DOCK1: variants seen among roughly 807,000 people sequenced by gnomAD.
DOCK1 encodes dedicator of cytokinesis protein 1.
Under a neutral mutation model 262.7 loss-of-function variants are expected in DOCK1, and 138 were observed. That is an observed-to-expected ratio of 0.53 (90% confidence interval 0.46 to 0.61). DOCK1 has a LOEUF of 0.61. Among genes scored for constraint, DOCK1 ranks in the 20% least tolerant of loss-of-function variants. The pLI, the probability that DOCK1 is intolerant of heterozygous loss-of-function variation, is 0.00. For synonymous variants in DOCK1, 866 were observed against 867.4 expected (o/e 1.00, Z 0.03); for missense variants, 1,908 against 2,370.7 (o/e 0.80, Z 4.05).
intron 38 of DOCK1, among the ~76,000 whole-genome samples, chr10:127,394,373 G>A (rs935915875): frequency 1.7e-5 from 2 of 120,198 alleles, no homozygotes; most frequent in Non-Finnish European, 3.6e-5. Context: ...AAAAAAAAGC[G>A]TTTTACATCA....
chr10:127,218,253 TATCTAAACAGA>T (rs1338560009), intron 27 of DOCK1, among the ~76,000 whole-genome samples: 2 of 152,246 alleles, frequency 1.3e-5, no homozygotes, highest in African/African-American at 4.8e-5. Flanking sequence ...ATTGTTGTTT[TATCTAAACAGA>T]ATCTGCTCAT....
chr10:127,305,962 C>T (rs1048993745), intron 29 of DOCK1, among the ~76,000 whole-genome samples: 43 of 151,090 alleles, frequency 2.8e-4, no homozygotes, highest in Admixed American at 3.3e-4. Flanking sequence ...TTATTAGAGG[C>T]TGAGGGTTTT....
chr10:127,386,761 A>G (rs1043008377), intron 38 of DOCK1, among the ~76,000 whole-genome samples: 1 of 152,146 alleles, frequency 6.6e-6, no homozygotes, highest in Admixed American at 6.5e-5. Flanking sequence ...ATCATCCTGA[A>G]ACCATCCCCC....
intron 29 of DOCK1, among the ~76,000 whole-genome samples, chr10:127,314,931 G>C (rs1463809274): frequency 1.3e-5 from 2 of 152,176 alleles, no homozygotes; most frequent in Non-Finnish European, 2.9e-5. Context: ...CACTCACATG[G>C]GCAGACAGAT....
Position 127,354,644 on chromosome 10 carries a change from C to T in DOCK1, c.3225-25C>T, listed in dbSNP as rs149045786. ...TCAAATGCCTTCCGGAGTGATTCAG[C>T]GTTTTTCTTTTCCCTGATTTCCAGG... On this transcript the variant is annotated intron_variant, in intron 31 of 51. Transcript: ENST00000623213. The T allele has an allele frequency of 9.7e-5, 157 of 1,613,402 alleles. No homozygotes were observed. In the African/African-American group the frequency reaches 1.5e-3, roughly 15 times the overall value.
chr10:127,383,445 A>G (rs1053053058), intron 37 of DOCK1, among the ~76,000 whole-genome samples: 4 of 152,236 alleles, frequency 2.6e-5, no homozygotes, highest in Non-Finnish European at 5.9e-5. Context: ...ATGTTGTACA[A>G]ACTTCAAAGT....
intron 22 of DOCK1, 56 bp from the exon 23 acceptor site, chr10:127,061,612 C>A (rs546948011): frequency 2.1e-6 from 3 of 1,455,728 alleles, no homozygotes; most frequent in African/African-American, 2.8e-5. Flanking sequence ...GACATGGATT[C>A]AAAAAATGTT....
chr10:127,403,799 GGATA>G (rs2067360903), intron 39 of DOCK1, among the ~76,000 whole-genome samples: 1 of 152,160 alleles, frequency 6.6e-6, no homozygotes, highest in African/African-American at 2.4e-5. Flanking sequence ...AGAGAGGGAT[GGATA>G]GATAATGACC....
At chr10:127,195,986 G>T (rs2057110396) in intron 27 of DOCK1, 2 of 152,202 alleles carry the variant, frequency 1.3e-5, no homozygotes, top group African/African-American at 4.8e-5. Flanking sequence ...GGCACGCGGG[G>T]CTCCGCTTAC....
chr10:127,235,292 A>G (rs2059007415), intron 27 of DOCK1, among the ~76,000 whole-genome samples: 1 of 152,040 alleles, frequency 6.6e-6, no homozygotes, highest in African/African-American at 2.4e-5. Context: ...ATTTCCGTAA[A>G]AATATTTCTC....
intron 29 of DOCK1, among the ~76,000 whole-genome samples, chr10:127,301,192 C>T (rs987127323): frequency 4.6e-5 from 7 of 152,106 alleles, no homozygotes; most frequent in Admixed American, 1.3e-4. Flanking sequence ...GTTTCAGTGC[C>T]GCTTGAATAC....
chr10:127,345,990 A>G (rs1421861711), intron 31 of DOCK1, among the ~76,000 whole-genome samples: 2 of 152,208 alleles, frequency 1.3e-5, no homozygotes, highest in African/African-American at 4.8e-5. Context: ...AGGTGCGGAC[A>G]CACCTCCTTC....
chr10:127,394,222 A>C (rs771087142), intron 38 of DOCK1, among the ~76,000 whole-genome samples: 1 of 152,166 alleles, frequency 6.6e-6, no homozygotes, highest in Non-Finnish European at 1.5e-5. Context: ...GCAGGTTGAC[A>C]AATGCGATAC....
intron 1 of DOCK1, among the ~76,000 whole-genome samples, chr10:126,930,367 A>G (rs1228326392): frequency 6.6e-6 from 1 of 152,156 alleles, no homozygotes; most frequent in Non-Finnish European, 1.5e-5. Context: ...ATTTAGTTGC[A>G]CGATTCTTGG....
At chr10:127,010,381 C>T (rs983320243) in intron 11 of DOCK1, among the ~76,000 whole-genome samples, 10 of 152,138 alleles carry the variant, frequency 6.6e-5, no homozygotes. Flanking sequence ...GCAGGAGAAT[C>T]GCTTGAACCC....
intron 29 of DOCK1, among the ~76,000 whole-genome samples, chr10:127,333,799 T>G (rs1312178763): frequency 2.0e-5 from 3 of 152,212 alleles, no homozygotes; most frequent in Non-Finnish European, 4.4e-5. Context: ...GTCTTTCTCT[T>G]TTACCAAATG....
At chr10:127,003,300 G>A (rs1331122074) in intron 10 of DOCK1, among the ~76,000 whole-genome samples, 1 of 149,886 alleles carries the variant, frequency 6.7e-6, no homozygotes, top group East Asian at 2.0e-4. Context: ...GTGAACCTGC[G>A]TGAACCTGTG....
At chr10:127,366,868 G>T (rs1032699765) in intron 33 of DOCK1, among the ~76,000 whole-genome samples, 3 of 152,170 alleles carry the variant, frequency 2.0e-5, no homozygotes, top group Non-Finnish European at 2.9e-5. Flanking sequence ...TTTTATAGCA[G>T]ATGTGCAAAC....
chr10:127,252,184 C>G lies in DOCK1; in HGVS notation c.2949+4075C>G, dbSNP rs1342917256. ...TGTTTTTTGGCTGCATAAATGTCTT[C>G]TTTTGAGAAGTGTCTGTTCATGTCC... On this transcript the variant is annotated intron_variant, in intron 28 of 51. Coordinates refer to ENST00000623213, the MANE Select transcript of DOCK1 (RefSeq NM_001290223.2). Among the ~76,000 whole-genome samples, 7 of 136,244 alleles carry G rather than the reference C, an allele frequency of 5.1e-5. No homozygotes were observed. The East Asian group carries it at 1.5e-3, about 30-fold the overall frequency. The allele number at this position is 136,244 out of a possible 152,430, so 89.4% of individuals were successfully genotyped here.
Sources: allele counts gnomAD v4.1 joint callset (sites outside exome capture counted in the v4.1 genomes callset), GRCh38; gene constraint gnomAD v4.1.1; transcripts MANE v1.5; gene names NCBI Gene and HGNC (gene_info 2026-07-23, HGNC 2026-07-21).